The following KBTBD3 variants were observed in gnomAD, a reference collection of about 807,000 sequenced individuals.
KBTBD3 encodes kelch repeat and BTB domain-containing protein 3.
Under a neutral mutation model 49.6 loss-of-function variants are expected in KBTBD3, and 38 were observed. The ratio of observed to expected loss-of-function variants is 0.77; its 90% CI spans 0.59 to 1.00. The LOEUF is 1.00. Among genes scored for constraint, KBTBD3 ranks in the 50% least tolerant of loss-of-function variants. The pLI, the probability that KBTBD3 is intolerant of heterozygous loss-of-function variation, is 0.00. For missense variants in KBTBD3, 661 were observed against 712.0 expected (o/e 0.93, Z 0.81); for synonymous variants, 214 against 250.4 (o/e 0.85, Z 1.37).
At chr11:106,076,791 C>G (rs1007882134) in intron 1 of KBTBD3, 84 bp from the exon 2 acceptor site, 1 of 152,264 alleles carries the variant, frequency 6.6e-6, no homozygotes, top group Non-Finnish European at 1.5e-5. Context: ...GTTTCTGTTG[C>G]TGTTAGAGCA....
intron 3 of KBTBD3, among the ~76,000 whole-genome samples, chr11:106,055,633 A>T (rs1860535835): frequency 6.6e-6 from 1 of 152,166 alleles, no homozygotes; most frequent in South Asian, 2.1e-4. Context: ...TATGGTCCAT[A>T]GGGCCCAGCT....
chr11:106,058,741 TG>T lies in KBTBD3; in HGVS notation c.233+123del. The T allele has an allele frequency of 4.4e-6, 3 of 683,268 alleles. No homozygotes were observed. In the East Asian group the frequency reaches 9.7e-5, roughly 22 times the overall value. 42.3% of individuals were successfully genotyped at this position (683,268 alleles called of 1,614,324 possible). A position where few individuals can be genotyped will look rare whatever the true frequency, so the allele number is the denominator to read the frequency against. On this transcript the variant is annotated intron_variant, in intron 3 of 3. Transcript: ENST00000531837. ...GCCCAGCCTAATTAGGTTTTGTTTT[TG>T]TTTTTTTTTTTAGAATTAAAAATTA... is the stretch of plus-strand genomic sequence containing the variant.
chr11:106,071,215 T>C (rs1860911773), intron 2 of KBTBD3, among the ~76,000 whole-genome samples: 1 of 152,138 alleles, frequency 6.6e-6, no homozygotes. Context: ...CATTCCTCTG[T>C]ATTGTAAAAT....
Position 106,053,618 on chromosome 11 carries a change from C to T in KBTBD3, c.1071G>A (p.Thr357=), listed in dbSNP as rs373896714. The T allele has an allele frequency of 4.3e-6, 7 of 1,613,686 alleles. No individual in the cohort carries two copies. Among genetic ancestry groups the T allele is most frequent in the African/African-American group, 4.0e-5 (3 of 74,844 alleles). Residue 357 remains threonine, a synonymous_variant, in exon 4 of 4, where the codon ACG becomes ACA. Transcript: ENST00000531837. ...TGGCKGKCCR[T]VRLHIAESYH... The stretch of plus-strand genomic sequence containing the variant: ...ATGACTCGGCAATATGCAGTCGAAC[C>T]GTTCGACAACATTTCCCTTTGCAAC...
chr11:106,052,680 T>C lies in KBTBD3; in HGVS notation c.*170A>G. ...ATATTCAGTATAATTTTTGGTAAAA[T>C]ATATTTTGTATTTTAAGTTTTTGGA... On this transcript the variant is annotated 3_prime_UTR_variant, in exon 4 of 4. Coordinates refer to ENST00000531837, the MANE Select transcript of KBTBD3 (RefSeq NM_198439.3). 1 of 540,050 alleles carries C rather than the reference T, an allele frequency of 1.9e-6. No individual in the cohort carries two copies. Among genetic ancestry groups the C allele is most frequent in the South Asian group, 3.1e-5 (1 of 32,092 alleles). 33.5% of individuals were successfully genotyped at this position (540,050 alleles called of 1,614,324 possible).
chr11:106,057,697 G>C (rs1468183766), intron 3 of KBTBD3: 1 of 196,262 alleles, frequency 5.1e-6, no homozygotes, highest in Non-Finnish European at 1.0e-5. Flanking sequence ...AGGTTGCTTA[G>C]AATTAGAACA....
At chr11:106,069,127 C>T (rs1008733426) in intron 2 of KBTBD3, among the ~76,000 whole-genome samples, 4 of 151,996 alleles carry the variant, frequency 2.6e-5, no homozygotes, top group Non-Finnish European at 4.4e-5. Context: ...GAATGCCTTC[C>T]CCCTAAGATG....
intron 2 of KBTBD3, among the ~76,000 whole-genome samples, chr11:106,061,045 C>A (rs1364951726): frequency 6.6e-6 from 1 of 152,126 alleles, no homozygotes; most frequent in Non-Finnish European, 1.5e-5. Context: ...ATGTGGCCAA[C>A]AAATATATGA....
intron 2 of KBTBD3, among the ~76,000 whole-genome samples, chr11:106,061,865 ATG>A (rs1329125975): frequency 1.3e-5 from 2 of 151,726 alleles, no homozygotes; most frequent in African/African-American, 4.9e-5. Context: ...ATATACATAT[ATG>A]TGTGTGTGTA....
chr11:106,069,093 T>C (rs1442936450), intron 2 of KBTBD3, among the ~76,000 whole-genome samples: 1 of 152,054 alleles, frequency 6.6e-6, no homozygotes, highest in Non-Finnish European at 1.5e-5. Flanking sequence ...AAAAAACCTA[T>C]AGATAACATT....
Position 106,053,245 on chromosome 11 carries a change from T to C in KBTBD3, c.1444A>G (p.Thr482Ala). The C allele has an allele frequency of 1.9e-6, 3 of 1,613,712 alleles. No individual in the cohort carries two copies. Among genetic ancestry groups the C allele is most frequent in the Non-Finnish European group, 2.5e-6 (3 of 1,179,846 alleles). ...ACTAGTTCAGACCACTGATCAGTTG[T>C]AGCATTGTATTTAAAAAAGCAATCA... ...SLDCFFKYNATTDQWSELVAE... is the reference protein window; with the variant it reads ...SLDCFFKYNAATDQWSELVAE... Residue 482 changes from threonine to alanine, a missense_variant, in exon 4 of 4, where the codon ACA becomes GCA. Coordinates refer to ENST00000531837, the MANE Select transcript of KBTBD3 (RefSeq NM_198439.3).
intron 2 of KBTBD3, 41 bp from the exon 3 acceptor site, chr11:106,059,150 T>A: frequency 2.5e-6 from 3 of 1,200,998 alleles, no homozygotes; most frequent in Non-Finnish European, 3.4e-6. Context: ...AGAGACCTAA[T>A]GCAAGTTTCA....
At chr11:106,063,844 T>C (rs1860752271) in intron 2 of KBTBD3, among the ~76,000 whole-genome samples, 1 of 152,042 alleles carries the variant, frequency 6.6e-6, no homozygotes, top group South Asian at 2.1e-4. Context: ...GGCAGGAGAA[T>C]CGCTTGAACC....
intron 2 of KBTBD3, among the ~76,000 whole-genome samples, chr11:106,063,688 T>A (rs1463910175): frequency 6.6e-6 from 1 of 152,222 alleles, no homozygotes; most frequent in Non-Finnish European, 1.5e-5. Context: ...ATCCCAGCAC[T>A]TTGGAAGGCT....
In KBTBD3 at chr11:106,051,538, G is replaced by A. The variant is rs1021817803; in HGVS notation, c.*1312C>T. On this transcript the variant is annotated 3_prime_UTR_variant, in exon 4 of 4. Transcript: ENST00000531837. ...TTGAGAAAGATTAACATTTACAACT[G>A]AGTGTAGAAAACTACATTTGGTTCC... 7 of 151,864 alleles carry A rather than the reference G, an allele frequency of 4.6e-5. No homozygotes were observed. The highest frequency in any genetic ancestry group is 7.4e-5 in the Non-Finnish European group (5 of 67,834). The allele number at this position is 151,864 out of a possible 1,614,324, so 9.4% of individuals were successfully genotyped here. A position where few individuals can be genotyped will look rare whatever the true frequency, so the allele number is the denominator to read the frequency against.
intron 3 of KBTBD3, 125 bp from the exon 4 acceptor site, chr11:106,054,580 C>A: frequency 2.0e-6 from 1 of 499,276 alleles, no homozygotes; most frequent in Admixed American, 4.1e-5. Flanking sequence ...ATTTTAATTG[C>A]CTCCTAATTA....
Position 106,059,104 on chromosome 11 carries a change from T to A in KBTBD3, c.-7A>T. 3.3e-6 allele frequency: 5 copies of A among 1,515,534 alleles called. No homozygotes were observed. The highest frequency in any genetic ancestry group is 4.4e-6 in the Non-Finnish European group (5 of 1,131,824). The allele number at this position is 1,515,534 out of a possible 1,614,324, so 93.9% of individuals were successfully genotyped here. A position where few individuals can be genotyped will look rare whatever the true frequency, so the allele number is the denominator to read the frequency against. ...TATCCATAGCCAATTCCATATGTCC[T>A]TAGAACTAGAATAAAAACAAAATCA... On this transcript the variant is annotated 5_prime_UTR_variant, in exon 3 of 4. It adds an upstream start codon to the 5' untranslated region. Coordinates refer to ENST00000531837, the MANE Select transcript of KBTBD3 (RefSeq NM_198439.3).
At chr11:106,059,939 G>C (rs1860650414) in intron 2 of KBTBD3, among the ~76,000 whole-genome samples, 1 of 152,130 alleles carries the variant, frequency 6.6e-6, no homozygotes, top group South Asian at 2.1e-4. Flanking sequence ...AAAATTAGTG[G>C]CTTAAGACAA....
At chr11:106,058,379 T>TAAA (rs368865758) in intron 3 of KBTBD3, among the ~76,000 whole-genome samples, 5 of 139,878 alleles carry the variant, frequency 3.6e-5, no homozygotes, top group African/African-American at 7.8e-5. Context: ...AGACTCCCTC[T>TAAA]AAAAAAAAAA....
Sources: gnomAD v4.1 joint callset for allele counts (sites outside exome capture counted in the v4.1 genomes callset) on GRCh38, gnomAD v4.1.1 for gene constraint, MANE v1.5 for transcripts, NCBI Gene and HGNC (gene_info 2026-07-23, HGNC 2026-07-21) for gene names.